The following HMGB1 variants were observed in gnomAD, a reference collection of about 807,000 sequenced individuals.
The protein encoded by HMGB1 is high mobility group protein B1.
For missense variants in HMGB1, 79 were observed against 253.5 expected (o/e 0.31, Z 4.67); for synonymous variants, 81 against 84.0 (o/e 0.96, Z 0.19).
chr13:30,500,169 G>T (rs1471937701), intron 1 of HMGB1, among the ~76,000 whole-genome samples: 1 of 152,080 alleles, frequency 6.6e-6, no homozygotes, highest in African/African-American at 2.4e-5. Context: ...TGTCCTGCTT[G>T]TCCTTCTGCT....
intron 1 of HMGB1, among the ~76,000 whole-genome samples, chr13:30,571,643 A>G (rs1051099838): frequency 6.6e-5 from 10 of 152,274 alleles, no homozygotes; most frequent in African/African-American, 2.4e-4. Context: ...ATAAAAATCT[A>G]CTTTTAATAG....
At chr13:30,519,678 C>A (rs569385471) in intron 1 of HMGB1, among the ~76,000 whole-genome samples, 2 of 147,316 alleles carry the variant, frequency 1.4e-5, no homozygotes, top group South Asian at 2.2e-4. Context: ...CCAGCCTGGG[C>A]GACAAAGCAA....
chr13:30,588,784 G>T (rs917396497), intron 1 of HMGB1, among the ~76,000 whole-genome samples: 1 of 151,886 alleles, frequency 6.6e-6, no homozygotes, highest in Admixed American at 6.5e-5. Context: ...GTGAATGATG[G>T]CTCGTGCCTG....
intron 1 of HMGB1, among the ~76,000 whole-genome samples, chr13:30,602,462 C>G (rs1034339168): frequency 1.3e-5 from 2 of 152,194 alleles, no homozygotes; most frequent in Non-Finnish European, 2.9e-5. Flanking sequence ...ACAACTATTA[C>G]AGTTCGACTA....
intron 1 of HMGB1, among the ~76,000 whole-genome samples, chr13:30,534,476 G>C (rs962441555): frequency 6.6e-6 from 1 of 152,088 alleles, no homozygotes; most frequent in African/African-American, 2.4e-5. Context: ...GGAGAGCCTT[G>C]TCAACTTTCC....
At chr13:30,487,020 A>G (rs1887380443) in intron 1 of HMGB1, among the ~76,000 whole-genome samples, 1 of 152,144 alleles carries the variant, frequency 6.6e-6, no homozygotes, top group African/African-American at 2.4e-5. Flanking sequence ...TATTTTTATG[A>G]AAGAATTGTA....
rs1868818268 is a variant in HMGB1 at position 30,540,518 on chromosome 13, C to T, written c.-15+76153G>A. On this transcript the variant is annotated intron_variant, in intron 1 of 4. Transcript: ENST00000405805. ...GTCATGAACCTGGATGTGCTGGCCACACTCTACGTCTAAGAGGCAGGTCTG... is the reference window on the plus strand; with the variant it reads ...GTCATGAACCTGGATGTGCTGGCCATACTCTACGTCTAAGAGGCAGGTCTG... 1.8e-5 allele frequency: 3 copies of T among 164,700 alleles called. No individual in the cohort carries two copies. The South Asian group carries it at 5.2e-4, about 29-fold the overall frequency. 10.2% of individuals were successfully genotyped at this position (164,700 alleles called of 1,614,324 possible).
intron 1 of HMGB1, among the ~76,000 whole-genome samples, chr13:30,488,136 C>G (rs1887403427): frequency 6.6e-6 from 1 of 152,160 alleles, no homozygotes; most frequent in Non-Finnish European, 1.5e-5. Flanking sequence ...TAAAGAATTA[C>G]AGAATTGTTG....
chr13:30,495,669 G>A (rs984178588), intron 1 of HMGB1, among the ~76,000 whole-genome samples: 2 of 151,966 alleles, frequency 1.3e-5, no homozygotes, highest in African/African-American at 2.4e-5. Context: ...TAATAGAGAC[G>A]GGGTTTCACC....
intron 1 of HMGB1, among the ~76,000 whole-genome samples, chr13:30,563,086 A>G (rs1357774846): frequency 6.6e-6 from 1 of 152,240 alleles, no homozygotes; most frequent in Non-Finnish European, 1.5e-5. Context: ...AGAGTTTACT[A>G]GTCTACAGCA....
chr13:30,476,865 C>CAAAAA (rs35075993), intron 1 of HMGB1, among the ~76,000 whole-genome samples: 2 of 135,564 alleles, frequency 1.5e-5, no homozygotes, highest in Non-Finnish European at 3.2e-5. Flanking sequence ...GATTCTGTCT[C>CAAAAA]AAAAAAAAAA....
chr13:30,538,489 T>TC (rs371831189), intron 1 of HMGB1, among the ~76,000 whole-genome samples: 2 of 50,396 alleles, frequency 4.0e-5, no homozygotes, highest in Non-Finnish European at 9.8e-5. Context: ...TTTCTTTCTT[T>TC]CTTTCTTTCT....
At chr13:30,588,334 C>T (rs1871238483) in intron 1 of HMGB1, among the ~76,000 whole-genome samples, 1 of 152,028 alleles carries the variant, frequency 6.6e-6, no homozygotes, top group Admixed American at 6.6e-5. Flanking sequence ...TCAGGAAAAA[C>T]TTCATGAAGA....
In HMGB1 at chr13:30,547,103, A is replaced by T. The variant is rs1353399870; in HGVS notation, c.-15+69568T>A. ...TCCTGAGATGTTATTCACATAACTCATGACAAAGGCAATGGGGAAAAAGTG... is the reference window on the plus strand; with the variant it reads ...TCCTGAGATGTTATTCACATAACTCTTGACAAAGGCAATGGGGAAAAAGTG... On this transcript the variant is annotated intron_variant, in intron 1 of 4. Transcript: ENST00000405805. Among the ~76,000 whole-genome samples, 9 of 152,390 alleles carry T rather than the reference A, an allele frequency of 5.9e-5. 1 individual carries two copies. In the South Asian group the frequency reaches 1.4e-3, roughly 25 times the overall value.
At chr13:30,524,349 A>AGG (rs1566014711) in intron 1 of HMGB1, among the ~76,000 whole-genome samples, 1 of 48,762 alleles carries the variant, frequency 2.1e-5, no homozygotes, top group African/African-American at 6.7e-5. Context: ...AAAAAAAAAA[A>AGG]AAAAAAAAGA....
intron 1 of HMGB1, among the ~76,000 whole-genome samples, chr13:30,521,278 T>C (rs914162113): frequency 4.6e-5 from 7 of 152,166 alleles, no homozygotes; most frequent in African/African-American, 1.7e-4. Context: ...AAAAATTCAA[T>C]GGAGTTTAGT....
At chr13:30,571,437 G>A (rs1055293183) in intron 1 of HMGB1, among the ~76,000 whole-genome samples, 1 of 152,064 alleles carries the variant, frequency 6.6e-6, no homozygotes, top group Non-Finnish European at 1.5e-5. Flanking sequence ...TGGGACTACA[G>A]GCATGTGCCA....
intron 1 of HMGB1, among the ~76,000 whole-genome samples, chr13:30,587,227 T>C (rs1871193180): frequency 6.6e-6 from 1 of 152,194 alleles, no homozygotes; most frequent in South Asian, 2.1e-4. Context: ...TGGCAAGGGA[T>C]TTTCCCATCT....
intron 1 of HMGB1, among the ~76,000 whole-genome samples, chr13:30,586,604 C>A (rs973929841): frequency 6.7e-6 from 1 of 149,400 alleles, no homozygotes; most frequent in African/African-American, 2.4e-5. Flanking sequence ...TTTCCTGCCT[C>A]AGTCTCCCGA....
Sources: gnomAD v4.1 joint callset for allele counts (sites outside exome capture counted in the v4.1 genomes callset) on GRCh38, gnomAD v4.1.1 for gene constraint, MANE v1.5 for transcripts, NCBI Gene and HGNC (gene_info 2026-07-23, HGNC 2026-07-21) for gene names.